The following GRM3 variants were observed in gnomAD, a reference collection of about 807,000 sequenced individuals.
GRM3 encodes the protein glutamate metabotropic receptor 3.
GRM3 carries 26 observed loss-of-function variants against 70.5 expected under a neutral mutation model. That is an observed-to-expected ratio of 0.37 (90% CI 0.27 to 0.51). The LOEUF is 0.51. Among genes scored for constraint, GRM3 ranks in the 20% least tolerant of loss-of-function variants. GRM3 has a pLI of 0.93. For missense variants in GRM3, 859 were observed against 1,123.8 expected, an observed-to-expected ratio of 0.76 and a Z score of 3.37; for synonymous variants, 443 against 434.9, an observed-to-expected ratio of 1.02 and a Z score of -0.23.
chr7:86,801,863 G>A (rs17697543), intron 3 of GRM3, among the ~76,000 whole-genome samples: 14,319 of 152,102 alleles, frequency 0.094, 1,164 homozygotes, highest in African/African-American at 0.23. Context: ...AATTAAATTG[G>A]AACCGTAAAG....
intron 1 of GRM3, among the ~76,000 whole-genome samples, chr7:86,746,436 T>C (rs1796107865): frequency 6.9e-6 from 1 of 145,728 alleles, no homozygotes; most frequent in African/African-American, 2.6e-5. Context: ...TGAACTTAAG[T>C]GGATAGACTG....
chr7:86,742,112 T>A (rs1796003977), intron 1 of GRM3, among the ~76,000 whole-genome samples: 1 of 152,146 alleles, frequency 6.6e-6, no homozygotes, highest in African/African-American at 2.4e-5. Context: ...CACTAGCATG[T>A]TTAGTGATTG....
intron 1 of GRM3, among the ~76,000 whole-genome samples, chr7:86,728,957 A>G (rs1795657237): frequency 6.6e-6 from 1 of 152,202 alleles, no homozygotes; most frequent in Non-Finnish European, 1.5e-5. Context: ...CTAGTATAAA[A>G]AAAGCACCTT....
chr7:86,664,914 T>A (rs1439120383), intron 1 of GRM3, among the ~76,000 whole-genome samples: 1 of 152,060 alleles, frequency 6.6e-6, no homozygotes, highest in Non-Finnish European at 1.5e-5. Flanking sequence ...CCAGCATTAT[T>A]CAAATACCAG....
At chr7:86,691,152 T>C (rs1433303246) in intron 1 of GRM3, among the ~76,000 whole-genome samples, 2 of 152,150 alleles carry the variant, frequency 1.3e-5, no homozygotes, top group Admixed American at 6.6e-5. Flanking sequence ...CAGCAAGTCT[T>C]ATCCTTACCT....
At chr7:86,708,971 A>G (rs995223574) in intron 1 of GRM3, among the ~76,000 whole-genome samples, 2 of 151,550 alleles carry the variant, frequency 1.3e-5, no homozygotes, top group Admixed American at 6.6e-5. Context: ...AAACAGAGTT[A>G]AAAAAAATCT....
chr7:86,744,125 C>G (rs1028118519), intron 1 of GRM3, among the ~76,000 whole-genome samples: 1 of 151,964 alleles, frequency 6.6e-6, no homozygotes, highest in Admixed American at 6.6e-5. Flanking sequence ...ACGAAGCATC[C>G]CACACCCAGG....
chr7:86,774,720 C>T (rs1796842283), intron 2 of GRM3, among the ~76,000 whole-genome samples: 1 of 152,156 alleles, frequency 6.6e-6, no homozygotes, highest in African/African-American at 2.4e-5. Context: ...GTTTTTTTCC[C>T]AGGCACAGTG....
chr7:86,722,365 A>G (rs144331816), intron 1 of GRM3, among the ~76,000 whole-genome samples: 2,141 of 152,250 alleles, frequency 0.014, 39 homozygotes, highest in African/African-American at 0.047. Context: ...ATGCCTGTCA[A>G]TGATAGACTG....
chr7:86,697,186 A>G lies in GRM3; in HGVS notation c.-141+52314A>G, dbSNP rs993572096. On this transcript the variant is annotated intron_variant, in intron 1 of 5. Transcript: ENST00000361669. ...GGGAGAGAAGAATCTTTGAAACCAC[A>G]TACCCAAATTCGTTGTCTCCTAACA... 7.2e-5 allele frequency among the ~76,000 whole-genome samples: 11 copies of G among 152,238 alleles called. No homozygotes were observed. In the East Asian group the frequency reaches 2.1e-3, roughly 29 times the overall value.
chr7:86,811,508 A>G (rs541383103), intron 3 of GRM3, among the ~76,000 whole-genome samples: 1 of 151,908 alleles, frequency 6.6e-6, no homozygotes, highest in African/African-American at 2.4e-5. Flanking sequence ...GAGATGCAGC[A>G]GCTTAGATGA....
intron 5 of GRM3, among the ~76,000 whole-genome samples, chr7:86,859,420 G>C (rs1384255938): frequency 6.6e-6 from 1 of 152,106 alleles, no homozygotes; most frequent in Non-Finnish European, 1.5e-5. Context: ...GGAACCAAGG[G>C]ACCCTAGCAT....
rs1169332626 is a variant in GRM3 at position 86,831,003 on chromosome 7, A to G, written c.1325-7836A>G. Reference sequence around the variant, plus strand: ...CCGGCATACCACCAGGAGCTAAGAGAGAGGCATGGGAGAGATTCTCCCTCA... The same window carrying G: ...CCGGCATACCACCAGGAGCTAAGAGGGAGGCATGGGAGAGATTCTCCCTCA... On this transcript the variant is annotated intron_variant, in intron 3 of 5. Transcript: ENST00000361669. Among the ~76,000 whole-genome samples the G allele has an allele frequency of 2.0e-5, 3 of 152,192 alleles. No individual in the cohort carries two copies. The South Asian group carries it at 6.2e-4, about 32-fold the overall frequency.
At chr7:86,748,597 G>T (rs1417816982) in intron 1 of GRM3, among the ~76,000 whole-genome samples, 1 of 152,030 alleles carries the variant, frequency 6.6e-6, no homozygotes, top group Non-Finnish European at 1.5e-5. Context: ...GGTCAGCCTG[G>T]ATGATACCGG....
intron 1 of GRM3, among the ~76,000 whole-genome samples, chr7:86,681,411 C>T (rs959743769): frequency 2.0e-5 from 3 of 152,052 alleles, no homozygotes; most frequent in South Asian, 2.1e-4. Context: ...TTTCTTTTTC[C>T]TCTTTTTCTA....
rs1179903650 is a variant in GRM3 at position 86,839,508 on chromosome 7, G to A, written c.1994G>A (p.Cys665Tyr). Residue 665 changes from cysteine to tyrosine, a missense_variant, in exon 4 of 6, where the codon TGC becomes TAC. Cys to Tyr is a radical substitution (Grantham distance 194, BLOSUM62 -2). Transcript: ENST00000361669. This position sits in a 1 kb window ranked among gnomAD's most constrained non-coding sequence, Gnocchi z 4.5. ...CYSALLTKTN[C>Y]IARIFDGVKN... Reference sequence around the variant, plus strand: ...TCAGCCCTGCTGACCAAGACAAACTGCATTGCCCGCATCTTCGATGGGGTC... The same window carrying A: ...TCAGCCCTGCTGACCAAGACAAACTACATTGCCCGCATCTTCGATGGGGTC... 1 of 1,608,092 alleles carries A rather than the reference G, an allele frequency of 6.2e-7. No individual in the cohort carries two copies. The highest frequency in any genetic ancestry group is 8.5e-7 in the Non-Finnish European group (1 of 1,176,720).
chr7:86,704,697 A>T (rs1458320031), intron 1 of GRM3, among the ~76,000 whole-genome samples: 16 of 152,002 alleles, frequency 1.1e-4, no homozygotes, highest in African/African-American at 3.9e-4. Flanking sequence ...AAAACTGGTA[A>T]TTAATTCTTA....
At chr7:86,833,140 G>C in intron 3 of GRM3, 6 of 974,238 alleles carry the variant, frequency 6.2e-6, no homozygotes, top group Non-Finnish European at 7.3e-6. Flanking sequence ...ATTCCCTGGA[G>C]TTTCTTCACG....
At chr7:86,749,739 A>C (rs1796186554) in intron 1 of GRM3, among the ~76,000 whole-genome samples, 1 of 152,082 alleles carries the variant, frequency 6.6e-6, no homozygotes, top group South Asian at 2.1e-4. Context: ...AATATGTTCT[A>C]GGAAAGAGAA....
Sources: allele counts gnomAD v4.1 joint callset (sites outside exome capture counted in the v4.1 genomes callset), GRCh38; gene constraint gnomAD v4.1.1; non-coding constraint Gnocchi (gnomAD v3.1); transcripts MANE v1.5; gene names NCBI Gene and HGNC (gene_info 2026-07-23, HGNC 2026-07-21).